Variants in BICD1 observed in about 807,000 individuals in gnomAD.
The protein encoded by BICD1 is protein bicaudal D homolog 1.
A neutral mutation model predicts 92.5 loss-of-function variants in BICD1; 35 were observed. The observed-to-expected ratio is 0.38, with a 90% CI of 0.29 to 0.50. BICD1 has a LOEUF of 0.50. Among genes scored for constraint, BICD1 ranks in the 20% least tolerant of loss-of-function variants. The probability of loss-of-function intolerance (pLI) is 0.93; values close to 1 mark genes in which losing one functional copy is unlikely to be tolerated. For synonymous variants in BICD1, 429 were observed against 465.1 expected (o/e 0.92, Z 1.00); for missense variants, 950 against 1,189.8 (o/e 0.80, Z 2.97).
intron 2 of BICD1, among the ~76,000 whole-genome samples, chr12:32,286,755 A>G (rs1343201351): frequency 6.6e-6 from 1 of 152,170 alleles, no homozygotes; most frequent in Non-Finnish European, 1.5e-5. Flanking sequence ...TCACTTGTAT[A>G]CCTGTTTTAT....
intron 1 of BICD1, among the ~76,000 whole-genome samples, chr12:32,117,707 TATATACACAC>T (rs1941970548): frequency 1.6e-5 from 1 of 63,536 alleles, no homozygotes; most frequent in African/African-American, 8.6e-5. Flanking sequence ...TACACAAATA[TATATACACAC>T]ACACACACAC....
chr12:32,316,887 GAT>G (rs1948519485), intron 4 of BICD1, among the ~76,000 whole-genome samples: 1 of 151,996 alleles, frequency 6.6e-6, no homozygotes, highest in Non-Finnish European at 1.5e-5. Flanking sequence ...CCCGGTGTGT[GAT>G]GTTCCCCTTC....
At chr12:32,352,109 G>A (rs1938911410) in intron 8 of BICD1, among the ~76,000 whole-genome samples, 1 of 152,000 alleles carries the variant, frequency 6.6e-6, no homozygotes, top group African/African-American at 2.4e-5. Flanking sequence ...GGAGGCTGAG[G>A]CAGGACAATC....
chr12:32,176,065 C>T (rs1326328753), intron 1 of BICD1, among the ~76,000 whole-genome samples: 2 of 152,202 alleles, frequency 1.3e-5, no homozygotes, highest in East Asian at 3.8e-4. Context: ...TCAGTATTCT[C>T]TTCCTCTGTT....
chr12:32,277,694 C>G (rs752970970), intron 2 of BICD1, among the ~76,000 whole-genome samples: 1 of 152,206 alleles, frequency 6.6e-6, no homozygotes, highest in African/African-American at 2.4e-5. Context: ...TTGCTAATAT[C>G]TCTCAGTCCC....
intron 2 of BICD1, among the ~76,000 whole-genome samples, chr12:32,258,456 G>A (rs940702812): frequency 9.2e-5 from 14 of 152,016 alleles, no homozygotes; most frequent in African/African-American, 3.4e-4. Flanking sequence ...TGTTCTCTCC[G>A]TGTGTGGAAA....
intron 2 of BICD1, among the ~76,000 whole-genome samples, chr12:32,245,790 G>T (rs113654986): frequency 0.027 from 4,131 of 152,130 alleles, 211 homozygotes; most frequent in African/African-American, 0.095. Context: ...CACACTTTGG[G>T]AGGCTGAGGT....
At chr12:32,374,255 C>T (rs1003340462) in intron 9 of BICD1, among the ~76,000 whole-genome samples, 12 of 151,792 alleles carry the variant, frequency 7.9e-5, no homozygotes, top group African/African-American at 2.9e-4. Context: ...AAAGCCATAT[C>T]TTTCTTGTGT....
rs1565687666 is a variant in BICD1, at chr12:32,346,657, T to TACGTGTATATATATATATATATATAC, written c.2764+7680_2764+7681insGTGTATATATATATATATATATACAC. 1.4e-4 allele frequency among the ~76,000 whole-genome samples: 2 copies of TACGTGTATATATATATATATATATAC among 14,788 alleles called. 1 individual carries two copies. The highest frequency in any genetic ancestry group is 2.8e-4 in the Non-Finnish European group (2 of 7,160). The allele number at this position is 14,788 out of a possible 152,430, so 9.7% of individuals were successfully genotyped here. On this transcript the variant is annotated intron_variant, in intron 8 of 9. Coordinates refer to ENST00000652176, the MANE Select transcript of BICD1 (RefSeq NM_001714.4). ...ATACGTGTATATATATATATATATA[T>TACGTGTATATATATATATATATATAC]ACACACACACACGCACACACACACA...
rs1193555400 is a variant in BICD1 at position 32,381,586 on chromosome 12, A to G, written c.*3959A>G. 6.6e-6 allele frequency: 1 copy of G among 152,142 alleles called. No individual in the cohort carries two copies. Among genetic ancestry groups the G allele is most frequent in the Admixed American group, 6.6e-5 (1 of 15,258 alleles). 9.4% of individuals were successfully genotyped at this position (152,142 alleles called of 1,614,324 possible). On this transcript the variant is annotated 3_prime_UTR_variant, in exon 10 of 10. Coordinates refer to ENST00000652176, the MANE Select transcript of BICD1 (RefSeq NM_001714.4). ...CAAAACATGAAAAGGAAGAAATGAA[A>G]TATCTTTTCTTCTGGGATGAGTGTC...
intron 2 of BICD1, among the ~76,000 whole-genome samples, chr12:32,224,572 A>G (rs1023701306): frequency 6.6e-6 from 1 of 152,244 alleles, no homozygotes; most frequent in Non-Finnish European, 1.5e-5. Context: ...CAAAATATAG[A>G]CAATTCATTT....
intron 6 of BICD1, among the ~76,000 whole-genome samples, chr12:32,336,498 G>T (rs536293109): frequency 6.6e-6 from 1 of 152,092 alleles, no homozygotes; most frequent in Admixed American, 6.6e-5. Flanking sequence ...AGAAATCATT[G>T]AAAATACTCA....
At position 32,374,379 on chromosome 12, in the gene BICD1, T is replaced by G. The variant is rs569691197; in HGVS notation, c.2841-3161T>G. 2.2e-3 allele frequency among the ~76,000 whole-genome samples: 325 copies of G among 150,640 alleles called. 1 individual carries two copies. Among genetic ancestry groups the G allele is most frequent in the Non-Finnish European group, 3.8e-3 (254 of 67,668 alleles). On this transcript the variant is annotated intron_variant, in intron 9 of 9. Transcript: ENST00000652176. Reference sequence around the variant, plus strand: ...CACAGCACGTATAGTAAAATTGGAGTTTTTTTTACTATATGTGCTGTGGAA... The same window carrying G: ...CACAGCACGTATAGTAAAATTGGAGGTTTTTTTACTATATGTGCTGTGGAA...
chr12:32,122,620 CATA>C (rs1942196897), intron 1 of BICD1, among the ~76,000 whole-genome samples: 1 of 151,932 alleles, frequency 6.6e-6, no homozygotes, highest in Non-Finnish European at 1.5e-5. Context: ...TTCATTGTGG[CATA>C]ATAAGTAATA....
intron 2 of BICD1, among the ~76,000 whole-genome samples, chr12:32,270,644 T>A (rs1046022228): frequency 6.6e-6 from 1 of 152,216 alleles, no homozygotes; most frequent in Non-Finnish European, 1.5e-5. Context: ...TAAGATTTTT[T>A]AAAAAGTGAA....
At chr12:32,350,919 A>T (rs568576720) in intron 8 of BICD1, among the ~76,000 whole-genome samples, 53 of 152,110 alleles carry the variant, frequency 3.5e-4, no homozygotes, top group Non-Finnish European at 6.6e-4. Flanking sequence ...CCATACCACA[A>T]ATTTAAAGTT....
chr12:32,377,848 C>A lies in BICD1; in HGVS notation c.*221C>A, dbSNP rs200468925. 23 of 462,670 alleles carry A rather than the reference C, an allele frequency of 5.0e-5. No homozygotes were observed. The highest frequency in any genetic ancestry group is 7.7e-5 in the Non-Finnish European group (20 of 258,570). 28.7% of individuals were successfully genotyped at this position (462,670 alleles called of 1,614,324 possible). A position where few individuals can be genotyped will look rare whatever the true frequency, so the allele number is the denominator to read the frequency against. ...TCTCTGAGTCACAGATAAACTTCTGCCATCAAATGGCTACAGTTCATTTAA... is the reference window on the plus strand; with the variant it reads ...TCTCTGAGTCACAGATAAACTTCTGACATCAAATGGCTACAGTTCATTTAA... On this transcript the variant is annotated 3_prime_UTR_variant, in exon 10 of 10. Coordinates refer to ENST00000652176, the MANE Select transcript of BICD1 (RefSeq NM_001714.4).
intron 2 of BICD1, among the ~76,000 whole-genome samples, chr12:32,229,263 A>G (rs1468018587): frequency 6.6e-6 from 1 of 152,110 alleles, no homozygotes; most frequent in Non-Finnish European, 1.5e-5. Context: ...AACAAAAACA[A>G]AAACAAAAAA....
At chr12:32,120,882 AG>A (rs1237204880) in intron 1 of BICD1, among the ~76,000 whole-genome samples, 4 of 133,594 alleles carry the variant, frequency 3.0e-5, no homozygotes, top group African/African-American at 9.8e-5. Flanking sequence ...AGAGAGAGAG[AG>A]AGAGAGAGAG....
Sources: allele counts gnomAD v4.1 joint callset (sites outside exome capture counted in the v4.1 genomes callset), GRCh38; gene constraint gnomAD v4.1.1; transcripts MANE v1.5; gene names NCBI Gene and HGNC (gene_info 2026-07-23, HGNC 2026-07-21).